Variants in RALYL observed in about 807,000 individuals in gnomAD.
RALYL encodes the protein RALY RNA binding protein like, also known as RNA-binding Raly-like protein.
A neutral mutation model predicts 35.1 loss-of-function variants in RALYL; 29 were observed. That is an observed-to-expected ratio of 0.83 (90% CI 0.61 to 1.13). The LOEUF (loss-of-function observed/expected upper bound fraction) is 1.13. Ranked by LOEUF, RALYL falls within the 50% of genes most tolerant of loss-of-function variation. The pLI is 0.00. For missense variants in RALYL, 359 were observed against 360.4 expected, an observed-to-expected ratio of 1.00 and a Z score of 0.03; for synonymous variants, 120 against 127.6, an observed-to-expected ratio of 0.94 and a Z score of 0.40.
rs752594894 is a variant in RALYL at position 84,351,811 on chromosome 8, G to A, written c.-24+167387G>A. On this transcript the variant is annotated intron_variant, in intron 1 of 8. Coordinates refer to ENST00000521268, the MANE Select transcript of RALYL (RefSeq NM_173848.7). Reference sequence around the variant, plus strand: ...TGCTACAGAGTATCTAGAAATATGCGTTGTGCTTATTCATTTGTGACAATA... The same window carrying A: ...TGCTACAGAGTATCTAGAAATATGCATTGTGCTTATTCATTTGTGACAATA... 3.3e-5 allele frequency among the ~76,000 whole-genome samples: 5 copies of A among 150,114 alleles called. No individual in the cohort carries two copies. In the East Asian group the frequency reaches 7.7e-4, roughly 23 times the overall value.
In RALYL at chr8:84,290,973, C is replaced by CTTTA. The variant is rs1368352055; in HGVS notation, c.-24+106552_-24+106553insATTT. Among the ~76,000 whole-genome samples the CTTTA allele has an allele frequency of 2.0e-5, 3 of 152,040 alleles. No homozygotes were observed. The East Asian group carries it at 5.8e-4, about 29-fold the overall frequency. On this transcript the variant is annotated intron_variant, in intron 1 of 8. Transcript: ENST00000521268. The stretch of plus-strand genomic sequence containing the variant: ...AATACTTTTGATATCTTTCAGATCT[C>CTTTA]TTTTCCATATCTATTACTTTTATCT...
intron 2 of RALYL, among the ~76,000 whole-genome samples, chr8:84,577,027 A>T (rs1294979055): frequency 6.6e-6 from 1 of 152,224 alleles, no homozygotes; most frequent in East Asian, 1.9e-4. Flanking sequence ...TTTTGACTGT[A>T]CATAGAAGGT....
intron 1 of RALYL, among the ~76,000 whole-genome samples, chr8:84,382,780 A>G (rs887214515): frequency 4.0e-5 from 6 of 151,688 alleles, no homozygotes; most frequent in African/African-American, 1.4e-4. Context: ...TATGTAAAAG[A>G]GCAATATTCA....
chr8:84,880,000 C>T (rs1385232854), intron 7 of RALYL, among the ~76,000 whole-genome samples: 1 of 152,046 alleles, frequency 6.6e-6, no homozygotes, highest in Non-Finnish European at 1.5e-5. Flanking sequence ...GAGCTAAAGG[C>T]AGGCAGATTC....
At chr8:84,453,277 C>G (rs897018470) in intron 1 of RALYL, among the ~76,000 whole-genome samples, 1 of 151,820 alleles carries the variant, frequency 6.6e-6, no homozygotes, top group African/African-American at 2.4e-5. Flanking sequence ...ACATATAATT[C>G]TATCTCAAGA....
chr8:84,374,990 G>A (rs1036921575), intron 1 of RALYL, among the ~76,000 whole-genome samples: 2 of 151,906 alleles, frequency 1.3e-5, no homozygotes, highest in South Asian at 4.2e-4. Flanking sequence ...TTTCAAGCCT[G>A]AATCACCTTT....
chr8:84,507,978 G>A (rs115103716), intron 1 of RALYL, among the ~76,000 whole-genome samples: 2,367 of 152,112 alleles, frequency 0.016, 64 homozygotes, highest in African/African-American at 0.053. Context: ...ATATCTAAGC[G>A]TCTATGTCAA....
At chr8:84,207,820 GTATATATATA>G (rs3078265) in intron 1 of RALYL, among the ~76,000 whole-genome samples, 5 of 146,038 alleles carry the variant, frequency 3.4e-5, no homozygotes, top group Non-Finnish European at 7.6e-5. Context: ...GTGTGTGTGT[GTATATATATA>G]TATATATATA....
At chr8:84,458,392 C>T (rs998814808) in intron 1 of RALYL, among the ~76,000 whole-genome samples, 1 of 151,768 alleles carries the variant, frequency 6.6e-6, no homozygotes, top group Non-Finnish European at 1.5e-5. Flanking sequence ...ATCTTTTCAA[C>T]ACATGTTTTA....
chr8:84,576,537 G>C (rs574541898), intron 2 of RALYL, among the ~76,000 whole-genome samples: 25 of 152,200 alleles, frequency 1.6e-4, no homozygotes, highest in Non-Finnish European at 2.9e-4. Flanking sequence ...GGTTGACACA[G>C]GTGCCACCAC....
intron 2 of RALYL, among the ~76,000 whole-genome samples, chr8:84,558,649 T>C (rs1433873925): frequency 6.6e-6 from 1 of 152,138 alleles, no homozygotes; most frequent in Non-Finnish European, 1.5e-5. Context: ...AGGGTTTTTT[T>C]CTGGGTTTAT....
intron 1 of RALYL, among the ~76,000 whole-genome samples, chr8:84,414,891 C>T (rs1233816620): frequency 6.6e-6 from 1 of 152,072 alleles, no homozygotes; most frequent in East Asian, 1.9e-4. Flanking sequence ...TGGTTCTTAC[C>T]CCTGAATGTT....
rs1202543492 is a variant in RALYL, at chr8:84,184,417, G to A, written c.-31G>A. The A allele has an allele frequency of 6.6e-6, 1 of 152,600 alleles. No homozygotes were observed. The highest frequency in any genetic ancestry group is 1.5e-5 in the Non-Finnish European group (1 of 68,180). The allele number at this position is 152,600 out of a possible 1,614,324, so 9.5% of individuals were successfully genotyped here. The stretch of plus-strand genomic sequence containing the variant: ...GAAGTGAACAGCTGAGCAGCTCGCA[G>A]AGAGCAGGTACTTGGTCCCCTTGGA... On this transcript the variant is annotated 5_prime_UTR_variant, in exon 1 of 9. Coordinates refer to ENST00000521268, the MANE Select transcript of RALYL (RefSeq NM_173848.7).
At chr8:84,261,929 C>G (rs532066294) in intron 1 of RALYL, among the ~76,000 whole-genome samples, 221 of 152,206 alleles carry the variant, frequency 1.5e-3, no homozygotes, top group Non-Finnish European at 2.8e-3. Flanking sequence ...TTCACTATTG[C>G]TCAATTGCCT....
chr8:84,615,620 G>GTTTTTTTTTTTTT (rs1554748387), intron 2 of RALYL, among the ~76,000 whole-genome samples: 2 of 79,238 alleles, frequency 2.5e-5, no homozygotes, highest in Non-Finnish European at 4.6e-5. Context: ...TATACTTTAA[G>GTTTTTTTTTTTTT]TTTTAGGGTA....
intron 1 of RALYL, among the ~76,000 whole-genome samples, chr8:84,310,109 C>T (rs1842495865): frequency 6.6e-6 from 1 of 151,738 alleles, no homozygotes; most frequent in African/African-American, 2.4e-5. Context: ...AGTGCAATGG[C>T]ATGATAGCTC....
intron 1 of RALYL, among the ~76,000 whole-genome samples, chr8:84,358,029 A>G (rs1852215309): frequency 6.6e-6 from 1 of 151,784 alleles, no homozygotes; most frequent in African/African-American, 2.4e-5. Flanking sequence ...ATAATTTTGA[A>G]GAATACATTA....
At chr8:84,329,865 A>G (rs1459888045) in intron 1 of RALYL, among the ~76,000 whole-genome samples, 1 of 152,062 alleles carries the variant, frequency 6.6e-6, no homozygotes, top group Non-Finnish European at 1.5e-5. Flanking sequence ...ATGCCTTCAG[A>G]TGCAGGCCTG....
intron 2 of RALYL, among the ~76,000 whole-genome samples, chr8:84,600,871 G>T (rs1815776426): frequency 6.6e-6 from 1 of 152,072 alleles, no homozygotes. Flanking sequence ...AAAGGTGTCA[G>T]GTTTCATGTC....
Sources: allele counts gnomAD v4.1 joint callset (sites outside exome capture counted in the v4.1 genomes callset), GRCh38; gene constraint gnomAD v4.1.1; transcripts MANE v1.5; gene names NCBI Gene and HGNC (gene_info 2026-07-23, HGNC 2026-07-21).